LRBA: variants seen among roughly 807,000 people sequenced by gnomAD.
LRBA encodes lipopolysaccharide-responsive and beige-like anchor protein.
LRBA carries 176 observed loss-of-function variants against 330.0 expected under a neutral mutation model. That is an observed-to-expected ratio of 0.53 (90% confidence interval 0.47 to 0.60). LRBA has a LOEUF of 0.60. Among genes scored for constraint, LRBA ranks in the 20% least tolerant of loss-of-function variants. LRBA has a pLI of 0.00. For synonymous variants in LRBA, 1,230 were observed against 1,193.0 expected (o/e 1.03, Z -0.64); for missense variants, 3,259 against 3,444.8 (o/e 0.95, Z 1.35).
chr4:150,809,447 A>T (rs1422603042), intron 31 of LRBA, among the ~76,000 whole-genome samples: 1 of 152,240 alleles, frequency 6.6e-6, no homozygotes, highest in Non-Finnish European at 1.5e-5. Context: ...GATATATACA[A>T]GGAATAAGGT....
chr4:150,269,903 C>T (rs1228202556), intron 56 of LRBA, among the ~76,000 whole-genome samples: 1 of 152,088 alleles, frequency 6.6e-6, no homozygotes, highest in Non-Finnish European at 1.5e-5. Context: ...GTGATTGTGC[C>T]ACTGCACTCC....
At chr4:150,705,601 A>G (rs1241120703) in intron 36 of LRBA, among the ~76,000 whole-genome samples, 1 of 152,082 alleles carries the variant, frequency 6.6e-6, no homozygotes, top group Non-Finnish European at 1.5e-5. Context: ...CAAACAAAAC[A>G]TTAGCAGATA....
chr4:150,716,057 G>T (rs558999147), intron 36 of LRBA, among the ~76,000 whole-genome samples: 7 of 152,212 alleles, frequency 4.6e-5, no homozygotes, highest in African/African-American at 1.4e-4. Context: ...ATCGTGTGGT[G>T]GTTAAGATTT....
intron 43 of LRBA, among the ~76,000 whole-genome samples, chr4:150,469,816 T>C (rs1755864465): frequency 6.6e-6 from 1 of 152,166 alleles, no homozygotes; most frequent in Non-Finnish European, 1.5e-5. Context: ...AATTGTTACT[T>C]TTCTTCTCTC....
chr4:150,607,584 A>G (rs1774785584), intron 37 of LRBA, among the ~76,000 whole-genome samples: 2 of 151,570 alleles, frequency 1.3e-5, no homozygotes, highest in Admixed American at 1.3e-4. Context: ...ATTGAAAGAG[A>G]AGAGGCCTGT....
intron 36 of LRBA, among the ~76,000 whole-genome samples, chr4:150,690,521 A>C (rs563171758): frequency 6.6e-6 from 1 of 151,844 alleles, no homozygotes; most frequent in South Asian, 2.1e-4. Context: ...AAAAAAAGGT[A>C]ATAACAGCAA....
chr4:150,768,407 C>G (rs955896244), intron 34 of LRBA, among the ~76,000 whole-genome samples: 7 of 151,992 alleles, frequency 4.6e-5, no homozygotes, highest in Non-Finnish European at 5.9e-5. Flanking sequence ...AGTTAGAATC[C>G]CACATCTTCT....
At chr4:150,592,245 G>A (rs1438652965) in intron 38 of LRBA, among the ~76,000 whole-genome samples, 4 of 136,236 alleles carry the variant, frequency 2.9e-5, no homozygotes, top group Non-Finnish European at 6.1e-5. Context: ...GCAGTAACAC[G>A]ACTAATATAT....
intron 37 of LRBA, among the ~76,000 whole-genome samples, chr4:150,661,279 C>T (rs904078309): frequency 2.2e-4 from 33 of 151,022 alleles, no homozygotes; most frequent in Admixed American, 8.6e-4. Flanking sequence ...ATGACCAGCC[C>T]GGGCAACATG....
intron 11 of LRBA, among the ~76,000 whole-genome samples, 197 bp downstream of exon 11, chr4:150,908,136 CA>C (rs1292675317): frequency 2.6e-5 from 4 of 152,100 alleles, no homozygotes; most frequent in Admixed American, 6.6e-5. Context: ...GTGTTTCTTA[CA>C]GCTTCCATAT....
chr4:150,288,078 G>T (rs576703216), intron 53 of LRBA, among the ~76,000 whole-genome samples: 12 of 150,678 alleles, frequency 8.0e-5, no homozygotes, highest in African/African-American at 2.9e-4. Context: ...TGCCAGCTCC[G>T]CCTTCCAGGT....
At chr4:150,500,885 T>C (rs1760174731) in intron 40 of LRBA, among the ~76,000 whole-genome samples, 1 of 152,216 alleles carries the variant, frequency 6.6e-6, no homozygotes, top group Admixed American at 6.5e-5. Context: ...GATACATTTT[T>C]CCTAATCAGA....
rs959051753 is a variant in LRBA at position 150,915,015 on chromosome 4, C to G, written c.1014+593G>C. On this transcript the variant is annotated intron_variant, in intron 8 of 56. Coordinates refer to ENST00000651943, the MANE Select transcript of LRBA (RefSeq NM_001364905.1). Reference sequence around the variant, plus strand: ...GATTCAAACCTAAGTCTGTCTGATTCAAGACCCTGATCTCTTGAGGTTAGC... The same window carrying G: ...GATTCAAACCTAAGTCTGTCTGATTGAAGACCCTGATCTCTTGAGGTTAGC... 1.6e-4 allele frequency among the ~76,000 whole-genome samples: 25 copies of G among 152,146 alleles called. No homozygotes were observed. In the East Asian group the frequency reaches 4.8e-3, roughly 29 times the overall value.
chr4:150,498,706 A>T (rs898985021), intron 40 of LRBA, among the ~76,000 whole-genome samples: 1 of 152,178 alleles, frequency 6.6e-6, no homozygotes, highest in Non-Finnish European at 1.5e-5. Flanking sequence ...CTTTTAAAAT[A>T]CAAACAAAAA....
intron 44 of LRBA, among the ~76,000 whole-genome samples, chr4:150,457,584 T>C (rs542520107): frequency 4.6e-5 from 7 of 152,078 alleles, no homozygotes; most frequent in South Asian, 2.1e-4. Context: ...CAGAAGTTGA[T>C]ACATGCAAGT....
rs752859431 is a variant in LRBA, at chr4:150,817,145, C to G, written c.5284G>C (p.Asp1762His). ...TCACCTGGTGATTCTCCTCCCATAT[C>G]TGAGGCTTGGGCTGAATCTACTGAG... is the stretch of plus-strand genomic sequence containing the variant. ...VSSVDSAQASDMGGESPGSRS... is the reference protein window; with the variant it reads ...VSSVDSAQASHMGGESPGSRS... Residue 1762 changes from aspartate (D) to histidine (H), a missense_variant, in exon 31 of 57, where the codon GAT (aspartate) becomes CAT (histidine). Coordinates refer to ENST00000651943, the MANE Select transcript of LRBA (RefSeq NM_001364905.1). 10 of 1,611,976 alleles carry G rather than the reference C, an allele frequency of 6.2e-6. No homozygotes were observed. Among genetic ancestry groups the G allele is most frequent in the Non-Finnish European group, 8.5e-6 (10 of 1,178,644 alleles).
intron 40 of LRBA, among the ~76,000 whole-genome samples, chr4:150,564,342 A>C (rs1768828645): frequency 6.6e-6 from 1 of 152,234 alleles, no homozygotes; most frequent in African/African-American, 2.4e-5. Flanking sequence ...ATAAGTAGAA[A>C]GCTGAAACTG....
chr4:150,570,555 C>T (rs1255775982), intron 40 of LRBA, among the ~76,000 whole-genome samples: 2 of 152,106 alleles, frequency 1.3e-5, no homozygotes, highest in Non-Finnish European at 1.5e-5. Context: ...GTCATCTTCT[C>T]TTTGTAAGCA....
At chr4:150,561,141 AATAAT>A (rs1160165148) in intron 40 of LRBA, among the ~76,000 whole-genome samples, 15 of 152,180 alleles carry the variant, frequency 9.9e-5, no homozygotes, top group African/African-American at 3.6e-4. Flanking sequence ...TAAACCTACC[AATAAT>A]ATATTTATTA....
Sources: gnomAD v4.1 joint callset for allele counts (sites outside exome capture counted in the v4.1 genomes callset) on GRCh38, gnomAD v4.1.1 for gene constraint, MANE v1.5 for transcripts, NCBI Gene and HGNC (gene_info 2026-07-23, HGNC 2026-07-21) for gene names.